CFAP251: variants seen among roughly 807,000 people sequenced by gnomAD.
CFAP251 encodes cilia- and flagella-associated protein 251.
In CFAP251, 93 loss-of-function variants were observed where a neutral mutation model predicts 126.7. The ratio of observed to expected loss-of-function variants is 0.73; its 90% CI spans 0.62 to 0.87. The LOEUF is 0.87. CFAP251 is among the 40% of genes least tolerant of loss of function. The pLI, the probability that CFAP251 is intolerant of heterozygous loss-of-function variation, is 0.00. For synonymous variants in CFAP251, 503 were observed against 506.9 expected, an observed-to-expected ratio of 0.99 and a Z score of 0.10; for missense variants, 1,287 against 1,389.2, an observed-to-expected ratio of 0.93 and a Z score of 1.17.
At chr12:121,942,007 C>G (rs1207361885) in intron 5 of CFAP251, among the ~76,000 whole-genome samples, 1 of 152,162 alleles carries the variant, frequency 6.6e-6, no homozygotes, top group East Asian at 1.9e-4. Context: ...AGAATCAGTG[C>G]CTGGTACCTA....
At chr12:121,982,464 C>T (rs1882645646) in intron 19 of CFAP251, among the ~76,000 whole-genome samples, 1 of 152,046 alleles carries the variant, frequency 6.6e-6, no homozygotes, top group Non-Finnish European at 1.5e-5. Context: ...ACCGCACCTC[C>T]ACCTCTCGGG....
Position 121,951,462 on chromosome 12 carries a change from A to AT in CFAP251, c.1270-12dup. On this transcript the variant is annotated splice_polypyrimidine_tract_variant and intron_variant, in intron 8 of 21. Coordinates refer to ENST00000288912, the MANE Select transcript of CFAP251 (RefSeq NM_144668.6). ...AACTGGGTCTTTTTGAGTAGTGATT[A>AT]TTTTTTCCTCTTATCAGTATGAAGA... 3 of 1,518,318 alleles carry AT rather than the reference A, an allele frequency of 2.0e-6. No homozygotes were observed. The highest frequency in any genetic ancestry group is 2.7e-6 in the Non-Finnish European group (3 of 1,111,156). 94.1% of individuals were successfully genotyped at this position (1,518,318 alleles called of 1,614,324 possible).
At chr12:121,993,801 G>GA (rs1882946359) in intron 19 of CFAP251, among the ~76,000 whole-genome samples, 1 of 143,644 alleles carries the variant, frequency 7.0e-6, no homozygotes, top group African/African-American at 2.6e-5. Flanking sequence ...GAGGTGGGGG[G>GA]GTCAGCCCCC....
intron 10 of CFAP251, among the ~76,000 whole-genome samples, chr12:121,955,041 G>A (rs113493640): frequency 0.081 from 12,290 of 152,186 alleles, 960 homozygotes; most frequent in African/African-American, 0.2. Context: ...GGTGGCTCAC[G>A]CCTGTAATCC....
In CFAP251 at chr12:121,960,651, T is replaced by C; in HGVS notation, c.2200T>C (p.Leu734=). ...AAATGGACAGAGGGTCTGGGAGTAC[T>C]TAGCAAGACTTCGCTCTCATCGCAA... ...VRNGQRVWEY[L]ARLRSHRKSI... The change falls in exon 14 of 22, where the codon TTA becomes CTA. Residue 734 remains leucine (L), a synonymous_variant. Coordinates refer to ENST00000288912, the MANE Select transcript of CFAP251 (RefSeq NM_144668.6). The C allele has an allele frequency of 6.2e-7, 1 of 1,614,214 alleles. No homozygotes were observed. The highest frequency in any genetic ancestry group is 8.5e-7 in the Non-Finnish European group (1 of 1,180,020).
intron 18 of CFAP251, 50 bp downstream of exon 18, chr12:121,975,384 T>C (rs1882432262): frequency 6.3e-7 from 1 of 1,590,354 alleles, no homozygotes; most frequent in Non-Finnish European, 8.6e-7. Flanking sequence ...GTTAAGTTTG[T>C]AAAGCAAATG....
At chr12:121,958,920 C>T (rs376730503) in intron 12 of CFAP251, 23 bp from the exon 13 acceptor site, 23 of 1,562,516 alleles carry the variant, frequency 1.5e-5, no homozygotes, top group East Asian at 2.2e-5. Flanking sequence ...CCTTTTCCAT[C>T]GTTCTCTGGC....
At chr12:121,962,908 G>A (rs117750531) in intron 15 of CFAP251, among the ~76,000 whole-genome samples, 1,635 of 152,274 alleles carry the variant, frequency 0.011, 30 homozygotes, top group South Asian at 0.05. Context: ...GGGAAATGCC[G>A]CGAAGGCTGG....
intron 12 of CFAP251, 104 bp downstream of exon 12, chr12:121,958,626 C>T (rs1266784073): frequency 1.3e-6 from 2 of 1,534,960 alleles, no homozygotes; most frequent in African/African-American, 1.4e-5. Context: ...CCGACTCCAG[C>T]CCCCAGCAGG....
chr12:121,951,761 C>T lies in CFAP251; in HGVS notation c.1320+231C>T, dbSNP rs536630622. 5.9e-5 allele frequency among the ~76,000 whole-genome samples: 9 copies of T among 152,216 alleles called. No homozygotes were observed. The East Asian group carries it at 1.7e-3, about 29-fold the overall frequency. Reference sequence around the variant, plus strand: ...TGAGACGGAGTCTTGCTCTGTCGCCCAGGCTGGCGTGCAGTGGCGTGATCT... The same window carrying T: ...TGAGACGGAGTCTTGCTCTGTCGCCTAGGCTGGCGTGCAGTGGCGTGATCT... On this transcript the variant is annotated intron_variant, in intron 9 of 21. Coordinates refer to ENST00000288912, the MANE Select transcript of CFAP251 (RefSeq NM_144668.6).
rs369435481 is a variant in CFAP251, at chr12:121,962,110, T to C, written c.2440T>C (p.Cys814Arg). 2 of 1,613,966 alleles carry C rather than the reference T, an allele frequency of 1.2e-6. No homozygotes were observed. The highest frequency in any genetic ancestry group is 1.7e-6 in the Non-Finnish European group (2 of 1,180,030). Residue 814 changes from cysteine to arginine, a missense_variant, in exon 15 of 22, where the codon TGC becomes CGC. Physicochemically the swap from Cys to Arg is radical, Grantham distance 180 (BLOSUM62 -3). Coordinates refer to ENST00000288912, the MANE Select transcript of CFAP251 (RefSeq NM_144668.6). Reference sequence around the variant, plus strand: ...CACCAGGGAACTCTTCCTGCTTATTTGCAACAGTGGCTACAAAGTGAAGCT... The same window carrying C: ...CACCAGGGAACTCTTCCTGCTTATTCGCAACAGTGGCTACAAAGTGAAGCT... ...PLTRELFLLICNSGYKVKLFN... is the reference protein window; with the variant it reads ...PLTRELFLLIRNSGYKVKLFN...
chr12:121,990,383 G>A (rs1400681575), intron 19 of CFAP251, among the ~76,000 whole-genome samples: 1 of 152,186 alleles, frequency 6.6e-6, no homozygotes, highest in Non-Finnish European at 1.5e-5. Context: ...GATCCCCATG[G>A]GCCCCGGAAG....
intron 17 of CFAP251, among the ~76,000 whole-genome samples, chr12:121,972,904 A>G (rs1882372183): frequency 6.6e-6 from 1 of 152,216 alleles, no homozygotes; most frequent in Non-Finnish European, 1.5e-5. Flanking sequence ...TTGCAGCCTG[A>G]CTATGTGATA....
intron 19 of CFAP251, among the ~76,000 whole-genome samples, chr12:121,983,945 C>T (rs953233736): frequency 2.6e-5 from 4 of 152,104 alleles, no homozygotes; most frequent in Admixed American, 6.6e-5. Flanking sequence ...CAGGCTTTAC[C>T]GTGGTTAATG....
intron 19 of CFAP251, chr12:121,997,184 G>A (rs1185517614): frequency 1.3e-5 from 2 of 152,286 alleles, no homozygotes; most frequent in African/African-American, 4.8e-5. Flanking sequence ...TACATGGGGC[G>A]AGGAGGTAGT....
chr12:121,971,992 G>A (rs866588837), intron 17 of CFAP251: 7 of 241,712 alleles, frequency 2.9e-5, no homozygotes, highest in African/African-American at 1.4e-4. Flanking sequence ...TGTGAGACGT[G>A]CCTTTCACCT....
intron 17 of CFAP251, among the ~76,000 whole-genome samples, chr12:121,970,521 G>A (rs886209895): frequency 2.6e-5 from 4 of 152,158 alleles, no homozygotes; most frequent in African/African-American, 9.7e-5. Flanking sequence ...TCCAGGGAGC[G>A]TTTACAGAGC....
Position 121,942,949 on chromosome 12 carries a change from G to A in CFAP251, c.1165G>A (p.Glu389Lys), listed in dbSNP as rs755424920. The change falls in exon 7 of 22, where the codon GAA (glutamate) becomes AAA (lysine). Residue 389 changes from glutamate (E) to lysine (K), a missense_variant. Physicochemically the swap from Glu to Lys is moderately conservative, Grantham distance 56. Transcript: ENST00000288912. ...LAVETPACTL[E>K]LPTEYGVQNY... Reference sequence around the variant, plus strand: ...AGTGGAAACGCCAGCATGCACTCTCGAACTCCCCACAGAGTACGGTGTTCA... The same window carrying A: ...AGTGGAAACGCCAGCATGCACTCTCAAACTCCCCACAGAGTACGGTGTTCA... 16 of 1,614,112 alleles carry A rather than the reference G, an allele frequency of 9.9e-6. No individual in the cohort carries two copies. The highest frequency in any genetic ancestry group is 8.9e-5 in the East Asian group (4 of 44,878).
chr12:121,999,777 A>T lies in CFAP251; in HGVS notation c.3068A>T (p.Asp1023Val). Residue 1023 changes from aspartate to valine, a missense_variant, in exon 20 of 22, where the codon GAC becomes GTC. Asp to Val is a radical substitution (Grantham distance 152). Transcript: ENST00000288912. Reference sequence around the variant, plus strand: ...TATGTGGACACTGGAAAGCTAATCGACAAGATCAACTTACCAGATTTCCTA... The same window carrying T: ...TATGTGGACACTGGAAAGCTAATCGTCAAGATCAACTTACCAGATTTCCTA... Reference protein sequence around the residue: ...GEYVDTGKLIDKINLPDFLKV... With the variant: ...GEYVDTGKLIVKINLPDFLKV... 6.2e-7 allele frequency: 1 copy of T among 1,613,900 alleles called. No homozygotes were observed. Among genetic ancestry groups the T allele is most frequent in the Non-Finnish European group, 8.5e-7 (1 of 1,179,844 alleles).
Sources: gnomAD v4.1 joint callset for allele counts (sites outside exome capture counted in the v4.1 genomes callset) on GRCh38, gnomAD v4.1.1 for gene constraint, MANE v1.5 for transcripts, NCBI Gene and HGNC (gene_info 2026-07-23, HGNC 2026-07-21) for gene names.